DIS3L2: variants seen among roughly 807,000 people sequenced by gnomAD.
DIS3L2 encodes the protein DIS3 like 3'-5' exoribonuclease 2.
Under a neutral mutation model 97.5 loss-of-function variants are expected in DIS3L2, and 34 were observed. The ratio of observed to expected loss-of-function variants is 0.35; its 90% confidence interval spans 0.27 to 0.46. The LOEUF (loss-of-function observed/expected upper bound fraction) is 0.46, where lower values mean the gene tolerates loss of function less well. Ranked by LOEUF, DIS3L2 falls within the 20% of genes least tolerant of loss-of-function variation. DIS3L2 has a pLI of 1.00. For missense variants in DIS3L2, 1,038 were observed against 1,146.0 expected (o/e 0.91, Z 1.36); for synonymous variants, 435 against 445.2 (o/e 0.98, Z 0.29).
chr2:232,300,628 T>A (rs188754912), intron 14 of DIS3L2, among the ~76,000 whole-genome samples: 9 of 150,982 alleles, frequency 6.0e-5, no homozygotes, highest in Non-Finnish European at 8.8e-5. Context: ...TCATAGCACC[T>A]CCTTTCCACA....
At position 232,336,867 on chromosome 2, in the gene DIS3L2, C is replaced by T. The variant is rs552357062; in HGVS notation, c.*237C>T. 118 of 1,348,748 alleles carry T rather than the reference C, an allele frequency of 8.7e-5. No individual in the cohort carries two copies. The African/African-American group carries it at 1.7e-3, about 19-fold the overall frequency. The allele number at this position is 1,348,748 out of a possible 1,614,324, so 83.5% of individuals were successfully genotyped here. A position where few individuals can be genotyped will look rare whatever the true frequency, so the allele number is the denominator to read the frequency against. On this transcript the variant is annotated 3_prime_UTR_variant, in exon 21 of 21. Transcript: ENST00000325385. ...CCCCAGCAGAGCAGGCCCCAGTCCTCCTGGGAGGCTGGCCCCCCTTTTTTC... is the reference window on the plus strand; with the variant it reads ...CCCCAGCAGAGCAGGCCCCAGTCCTTCTGGGAGGCTGGCCCCCCTTTTTTC...
intron 14 of DIS3L2, among the ~76,000 whole-genome samples, chr2:232,300,985 T>C (rs1694840334): frequency 6.6e-6 from 1 of 152,064 alleles, no homozygotes; most frequent in Non-Finnish European, 1.5e-5. Flanking sequence ...GTATTTTCGT[T>C]TGTGAGACAG....
At position 232,029,129 on chromosome 2, in the gene DIS3L2, GTGA is replaced by G. The variant is rs570475874; in HGVS notation, c.265-844_265-842del. Among the ~76,000 whole-genome samples the G allele has an allele frequency of 2.8e-3, 426 of 152,174 alleles. 1 individual carries two copies. Among genetic ancestry groups the G allele is most frequent in the Non-Finnish European group, 4.6e-3 (316 of 68,016 alleles). On this transcript the variant is annotated intron_variant, in intron 4 of 20. Transcript: ENST00000325385. ...AAGTGTCTCTATTAGAAAAATTTGA[GTGA>G]TGATGTTCCAGACTCTTTTGCTGTC...
chr2:232,236,972 A>T (rs1459757822), intron 10 of DIS3L2, among the ~76,000 whole-genome samples: 5 of 151,468 alleles, frequency 3.3e-5, no homozygotes, highest in Admixed American at 3.3e-4. Context: ...CTGGTCTCAA[A>T]CTCCTGGCCT....
intron 6 of DIS3L2, among the ~76,000 whole-genome samples, chr2:232,108,973 C>T (rs1697440120): frequency 6.6e-6 from 1 of 152,142 alleles, no homozygotes; most frequent in Non-Finnish European, 1.5e-5. Flanking sequence ...GTGAAAATGA[C>T]CATACTGCCC....
intron 10 of DIS3L2, among the ~76,000 whole-genome samples, chr2:232,218,049 T>C (rs1374946688): frequency 6.6e-6 from 1 of 152,004 alleles, no homozygotes; most frequent in Non-Finnish European, 1.5e-5. Flanking sequence ...CAACCCACAA[T>C]CAGGCAAGGT....
At chr2:232,301,254 C>G (rs1694848349) in intron 14 of DIS3L2, among the ~76,000 whole-genome samples, 1 of 152,202 alleles carries the variant, frequency 6.6e-6, no homozygotes, top group South Asian at 2.1e-4. Flanking sequence ...TCAACATTAT[C>G]ATGTTTACTC....
chr2:232,338,100 C>G (rs1168052677), downstream of DIS3L2, among the ~76,000 whole-genome samples: 3 of 152,014 alleles, frequency 2.0e-5, no homozygotes, highest in Non-Finnish European at 4.4e-5. Context: ...GGGGTGCTGC[C>G]CCAGCCCAGG....
At chr2:232,114,001 T>A (rs1697623440) in intron 6 of DIS3L2, among the ~76,000 whole-genome samples, 1 of 152,188 alleles carries the variant, frequency 6.6e-6, no homozygotes, top group Non-Finnish European at 1.5e-5. Context: ...CACAGATTGA[T>A]AAACTGGCTT....
chr2:232,248,965 T>C (rs1427789011), intron 11 of DIS3L2, among the ~76,000 whole-genome samples: 2 of 152,250 alleles, frequency 1.3e-5, no homozygotes, highest in Non-Finnish European at 2.9e-5. Context: ...GTTTAGTAGA[T>C]AATACAATGT....
chr2:232,184,246 A>C (rs913648101), intron 9 of DIS3L2, among the ~76,000 whole-genome samples: 2 of 152,234 alleles, frequency 1.3e-5, no homozygotes, highest in Admixed American at 1.3e-4. Flanking sequence ...GTGACTCTCA[A>C]GTCTTTTCAC....
chr2:232,139,500 G>C (rs1698452224), intron 8 of DIS3L2, among the ~76,000 whole-genome samples: 1 of 152,128 alleles, frequency 6.6e-6, no homozygotes, highest in South Asian at 2.1e-4. Context: ...AGAGGTGGGG[G>C]TCCAGAGTCC....
chr2:232,242,349 G>A (rs1050117504), intron 11 of DIS3L2, among the ~76,000 whole-genome samples: 3 of 152,208 alleles, frequency 2.0e-5, no homozygotes, highest in African/African-American at 7.2e-5. Context: ...TCGCACTGAA[G>A]GCCTGAGGGA....
intron 12 of DIS3L2, among the ~76,000 whole-genome samples, chr2:232,255,351 C>T (rs927096285): frequency 2.6e-5 from 4 of 152,196 alleles, no homozygotes; most frequent in African/African-American, 4.8e-5. Flanking sequence ...ACAGCTGCTG[C>T]GTAGCCACCA....
At chr2:232,058,025 A>G (rs1695595855) in intron 5 of DIS3L2, among the ~76,000 whole-genome samples, 1 of 152,258 alleles carries the variant, frequency 6.6e-6, no homozygotes, top group South Asian at 2.1e-4. Context: ...CAGTACACAA[A>G]TATAATCAAA....
In DIS3L2 at chr2:232,269,767, G is replaced by C. The variant is rs1289268250; in HGVS notation, c.1659+6327G>C. Reference sequence around the variant, plus strand: ...TGGTGTAGGGTGCAGAGAGAGAGAGGAGCTAGAGGAGACACAGGCTAGGCC... The same window carrying C: ...TGGTGTAGGGTGCAGAGAGAGAGAGCAGCTAGAGGAGACACAGGCTAGGCC... On this transcript the variant is annotated intron_variant, in intron 13 of 20. Transcript: ENST00000325385. This position sits in a 1 kb window ranked among gnomAD's most constrained non-coding sequence, Gnocchi z 4.5. 7.8e-6 allele frequency among the ~76,000 whole-genome samples: 1 copy of C among 128,054 alleles called. No homozygotes were observed. The highest frequency in any genetic ancestry group is 3.3e-5 in the African/African-American group (1 of 30,580). 84.0% of individuals were successfully genotyped at this position (128,054 alleles called of 152,430 possible).
chr2:232,243,201 T>A (rs1345571820), intron 11 of DIS3L2, among the ~76,000 whole-genome samples: 3 of 152,092 alleles, frequency 2.0e-5, no homozygotes, highest in Admixed American at 1.3e-4. Flanking sequence ...AGTAGAAAAT[T>A]TCTAGATAGA....
intron 1 of DIS3L2, among the ~76,000 whole-genome samples, chr2:231,966,069 T>C (rs1003399722): frequency 1.3e-5 from 2 of 152,178 alleles, no homozygotes; most frequent in Non-Finnish European, 2.9e-5. Flanking sequence ...AAAGTAAAAC[T>C]GGGCCTGGAA....
rs552333871 is a variant in DIS3L2, at chr2:231,974,489, A to G, written c.-94+12724A>G. Among the ~76,000 whole-genome samples the G allele has an allele frequency of 2.3e-5, 3 of 128,486 alleles. No homozygotes were observed. The South Asian group carries it at 7.2e-4, about 31-fold the overall frequency. 84.3% of individuals were successfully genotyped at this position (128,486 alleles called of 152,430 possible). On this transcript the variant is annotated intron_variant, in intron 1 of 20. Transcript: ENST00000325385. Reference sequence around the variant, plus strand: ...TCTAATCTGTTGTCCCATTCAGTGTATTTTTCATCTCAGTTGACATGGTTT... The same window carrying G: ...TCTAATCTGTTGTCCCATTCAGTGTGTTTTTCATCTCAGTTGACATGGTTT...
Sources: allele counts gnomAD v4.1 joint callset (sites outside exome capture counted in the v4.1 genomes callset), GRCh38; gene constraint gnomAD v4.1.1; non-coding constraint Gnocchi (gnomAD v3.1); transcripts MANE v1.5; gene names NCBI Gene and HGNC (gene_info 2026-07-23, HGNC 2026-07-21).